AFG2A: variants seen among roughly 807,000 people sequenced by gnomAD.
AFG2A encodes the protein AAA ATPase AFG2A, also known as ATPase family gene 2 protein homolog A.
At chr4:123,261,058 C>A in the AFG2A span, among the ~76,000 whole-genome samples, 1 of 152,104 alleles carries the variant, frequency 6.6e-6, no homozygotes, top group Non-Finnish European at 1.5e-5. Flanking sequence ...GAATCTAACG[C>A]CTGAGAACAG....
the AFG2A span, among the ~76,000 whole-genome samples, chr4:123,085,383 G>T: frequency 1.3e-5 from 2 of 152,052 alleles, no homozygotes; most frequent in Non-Finnish European, 2.9e-5. Context: ...CTGATTTGTT[G>T]TTAGATGCAT....
chr4:123,120,767 T>C, the AFG2A span, among the ~76,000 whole-genome samples: 1 of 152,214 alleles, frequency 6.6e-6, no homozygotes, highest in Non-Finnish European at 1.5e-5. Flanking sequence ...GTGCTATTAG[T>C]CATATAAAAG....
the AFG2A span, among the ~76,000 whole-genome samples, chr4:123,233,479 C>T: frequency 6.6e-6 from 1 of 152,004 alleles, no homozygotes; most frequent in Non-Finnish European, 1.5e-5. Flanking sequence ...CAAATCACCT[C>T]TTTTTATATT....
the AFG2A span, among the ~76,000 whole-genome samples, chr4:122,955,958 C>G: frequency 6.6e-6 from 1 of 152,182 alleles, no homozygotes; most frequent in African/African-American, 2.4e-5. Flanking sequence ...AGCTTTGCTT[C>G]TTTCATTGCA....
the AFG2A span, among the ~76,000 whole-genome samples, chr4:123,295,949 A>G: frequency 6.6e-6 from 1 of 152,326 alleles, no homozygotes; most frequent in South Asian, 2.1e-4. Flanking sequence ...AAGCGTGAAT[A>G]CTATGCTAAC....
At chr4:123,100,506 T>G in the AFG2A span, among the ~76,000 whole-genome samples, 1 of 151,974 alleles carries the variant, frequency 6.6e-6, no homozygotes, top group Non-Finnish European at 1.5e-5. Flanking sequence ...CTTTTTCTTG[T>G]GAACTATTTG....
the AFG2A span, among the ~76,000 whole-genome samples, chr4:123,308,676 T>C: frequency 3.7e-3 from 557 of 152,290 alleles, 4 homozygotes; most frequent in Admixed American, 0.011. Flanking sequence ...CAGTCCCTGG[T>C]GCTAAAAAGG....
At chr4:123,201,709 A>G in the AFG2A span, among the ~76,000 whole-genome samples, 1 of 152,194 alleles carries the variant, frequency 6.6e-6, no homozygotes, top group East Asian at 1.9e-4. Context: ...GCTTGAATCC[A>G]GGAGTTCAAT....
chr4:122,943,960 G>C, the AFG2A span, among the ~76,000 whole-genome samples: 2 of 151,940 alleles, frequency 1.3e-5, no homozygotes, highest in South Asian at 4.1e-4. Flanking sequence ...GTTGAATATT[G>C]GCCCCCACTC....
chr4:123,011,929 A>G, the AFG2A span, among the ~76,000 whole-genome samples: 2 of 145,436 alleles, frequency 1.4e-5, no homozygotes, highest in Non-Finnish European at 3.0e-5. Context: ...GCTTCCCAGG[A>G]AAGTGGAGAA....
At chr4:123,073,823 A>G in the AFG2A span, among the ~76,000 whole-genome samples, 7 of 152,360 alleles carry the variant, frequency 4.6e-5, no homozygotes, top group East Asian at 1.3e-3. Context: ...TATGCAAACA[A>G]GTAGTACCAT....
the AFG2A span, among the ~76,000 whole-genome samples, chr4:123,226,760 G>C: frequency 3.3e-5 from 5 of 152,156 alleles, no homozygotes; most frequent in Non-Finnish European, 7.3e-5. Context: ...TCTTCCTGTT[G>C]ATTGGAATAG....
chr4:123,215,833 A>G, the AFG2A span, among the ~76,000 whole-genome samples: 2 of 152,264 alleles, frequency 1.3e-5, no homozygotes, highest in East Asian at 3.9e-4. Context: ...ATGTCAGAGG[A>G]ACTCTTTAGG....
the AFG2A span, among the ~76,000 whole-genome samples, chr4:122,955,413 A>C: frequency 1.3e-5 from 2 of 152,154 alleles, no homozygotes; most frequent in African/African-American, 4.8e-5. Flanking sequence ...TAATACAATA[A>C]AAATATCAAT....
chr4:123,004,135 G>T, the AFG2A span, among the ~76,000 whole-genome samples: 1 of 152,208 alleles, frequency 6.6e-6, no homozygotes, highest in African/African-American at 2.4e-5. Flanking sequence ...TAATCTCCTG[G>T]TGCGCCGTTT....
the AFG2A span, among the ~76,000 whole-genome samples, chr4:123,109,665 G>GT: frequency 1.3e-5 from 2 of 151,958 alleles, no homozygotes; most frequent in South Asian, 2.1e-4. Flanking sequence ...CTACTCAGCT[G>GT]TTTTTTTCTG....
the AFG2A span, among the ~76,000 whole-genome samples, chr4:122,937,727 G>A: frequency 6.6e-6 from 1 of 152,118 alleles, no homozygotes; most frequent in Non-Finnish European, 1.5e-5. Context: ...TATTTTAATG[G>A]TTTAAAAATA....
chr4:123,241,266 T>C, the AFG2A span, among the ~76,000 whole-genome samples: 1 of 152,202 alleles, frequency 6.6e-6, no homozygotes, highest in Admixed American at 6.5e-5. Context: ...GAAGGAATCC[T>C]CCCTAACTCA....
chr4:123,225,403 G>A, the AFG2A span, among the ~76,000 whole-genome samples: 1 of 152,086 alleles, frequency 6.6e-6, no homozygotes, highest in Admixed American at 6.6e-5. Flanking sequence ...TGTAAGGAAG[G>A]GATCCAGTTT....
Sources: allele counts gnomAD v4.1 joint callset (sites outside exome capture counted in the v4.1 genomes callset), GRCh38; gene constraint gnomAD v4.1.1; transcripts MANE v1.5; gene names NCBI Gene and HGNC (gene_info 2026-07-23, HGNC 2026-07-21).